CSMD1: variants seen among roughly 807,000 people sequenced by gnomAD.
The protein encoded by CSMD1 is CUB and sushi domain-containing protein 1.
A neutral mutation model predicts 417.5 loss-of-function variants in CSMD1; 213 were observed. That is an observed-to-expected ratio of 0.51 (90% CI 0.46 to 0.57). The LOEUF (loss-of-function observed/expected upper bound fraction) is 0.57, where lower values mean the gene tolerates loss of function less well. Among genes scored for constraint, CSMD1 ranks in the 20% least tolerant of loss-of-function variants. The pLI, the probability that CSMD1 is intolerant of heterozygous loss-of-function variation, is 0.00. For synonymous variants in CSMD1, 2,862 were observed against 1,736.8 expected (o/e 1.65, Z -16.11); for missense variants, 6,923 against 4,529.7 (o/e 1.53, Z -15.17).
chr8:3,301,306 G>A (rs923566926), intron 25 of CSMD1, among the ~76,000 whole-genome samples: 8 of 152,152 alleles, frequency 5.3e-5, no homozygotes, highest in Admixed American at 4.6e-4. Context: ...GAAGGAACCA[G>A]GTGGTGGGCA....
intron 1 of CSMD1, among the ~76,000 whole-genome samples, chr8:4,691,725 G>C (rs994129673): frequency 3.9e-5 from 6 of 152,160 alleles, no homozygotes; most frequent in South Asian, 2.1e-4. Flanking sequence ...TGAAGGTCCA[G>C]GTACACTACA....
intron 1 of CSMD1, among the ~76,000 whole-genome samples, chr8:4,873,471 A>C (rs1802856568): frequency 6.6e-6 from 1 of 152,062 alleles, no homozygotes; most frequent in East Asian, 1.9e-4. Flanking sequence ...AATTCCAGAA[A>C]TTTTACTTCT....
At chr8:3,399,572 A>C (rs752144022) in intron 15 of CSMD1, 43 bp from the exon 16 acceptor site, 1 of 1,484,174 alleles carries the variant, frequency 6.7e-7, no homozygotes, top group East Asian at 2.3e-5. Flanking sequence ...AATGAGACAG[A>C]AGGATATGCC....
At chr8:3,438,979 G>C (rs892193705) in intron 12 of CSMD1, among the ~76,000 whole-genome samples, 1 of 151,004 alleles carries the variant, frequency 6.6e-6, no homozygotes, top group Non-Finnish European at 1.5e-5. Flanking sequence ...GCCGGGCATG[G>C]TAGTGGGCAC....
chr8:4,174,923 G>C (rs997164970), intron 3 of CSMD1, among the ~76,000 whole-genome samples: 3 of 150,906 alleles, frequency 2.0e-5, no homozygotes, highest in Non-Finnish European at 4.4e-5. Flanking sequence ...CAGAACTGAT[G>C]TCAACTCCTT....
intron 1 of CSMD1, among the ~76,000 whole-genome samples, chr8:4,706,153 G>A (rs192513710): frequency 7.7e-4 from 115 of 149,972 alleles, no homozygotes; most frequent in African/African-American, 2.7e-3. Context: ...AAAATTTTAT[G>A]TATTTATATA....
At chr8:4,350,360 G>A (rs1174351566) in intron 3 of CSMD1, among the ~76,000 whole-genome samples, 1 of 152,108 alleles carries the variant, frequency 6.6e-6, no homozygotes, top group Admixed American at 6.6e-5. Context: ...CCAAGAAATG[G>A]AGAAAAATCA....
chr8:2,979,024 G>T (rs1374747114), intron 54 of CSMD1, among the ~76,000 whole-genome samples: 1 of 152,190 alleles, frequency 6.6e-6, no homozygotes, highest in Non-Finnish European at 1.5e-5. Context: ...ATTTTCACGT[G>T]AGGCTAATTT....
chr8:4,005,141 G>A (rs1389634378), intron 4 of CSMD1, among the ~76,000 whole-genome samples: 1 of 152,176 alleles, frequency 6.6e-6, no homozygotes, highest in Non-Finnish European at 1.5e-5. Context: ...TTGGGGGGAA[G>A]AGTGGGAGTG....
chr8:3,189,833 C>T, intron 34 of CSMD1, 79 bp downstream of exon 34: 1 of 1,321,964 alleles, frequency 7.6e-7, no homozygotes, highest in Non-Finnish European at 1.0e-6. Flanking sequence ...ATTTACGTAG[C>T]CTGGATAGAA....
chr8:4,956,151 T>C (rs1467855456), intron 1 of CSMD1, among the ~76,000 whole-genome samples: 2 of 152,144 alleles, frequency 1.3e-5, no homozygotes, highest in Non-Finnish European at 2.9e-5. Flanking sequence ...GACAGAGTTA[T>C]CATTTTTCTA....
chr8:3,039,865 A>G (rs1810974042), intron 50 of CSMD1, among the ~76,000 whole-genome samples: 1 of 152,218 alleles, frequency 6.6e-6, no homozygotes, highest in Non-Finnish European at 1.5e-5. Context: ...CAGCATTCAT[A>G]TTAGATTTGC....
At chr8:3,513,994 G>A (rs1797185557) in intron 10 of CSMD1, among the ~76,000 whole-genome samples, 1 of 152,144 alleles carries the variant, frequency 6.6e-6, no homozygotes, top group Non-Finnish European at 1.5e-5. Context: ...TTCCAATCCA[G>A]GCCTTCTTTT....
intron 5 of CSMD1, among the ~76,000 whole-genome samples, chr8:3,990,379 C>T (rs1273752744): frequency 2.0e-5 from 3 of 151,906 alleles, no homozygotes; most frequent in African/African-American, 7.3e-5. Flanking sequence ...TCAACTCTGC[C>T]CTAAGAATGG....
chr8:3,713,978 A>C lies in CSMD1; in HGVS notation c.932-5487T>G, dbSNP rs530509845. Reference sequence around the variant, plus strand: ...AATATTTACTACTATTGGTAGCAATAATATTGAAATCTTTGTAAATCCTTA... The same window carrying C: ...AATATTTACTACTATTGGTAGCAATCATATTGAAATCTTTGTAAATCCTTA... On this transcript the variant is annotated intron_variant, in intron 6 of 69. Transcript: ENST00000635120. Among the ~76,000 whole-genome samples the C allele has an allele frequency of 3.3e-5, 5 of 152,192 alleles. No individual in the cohort carries two copies. In the South Asian group the frequency reaches 1.0e-3, roughly 32 times the overall value.
chr8:4,669,099 T>A (rs1425080513), intron 1 of CSMD1, among the ~76,000 whole-genome samples: 1 of 152,210 alleles, frequency 6.6e-6, no homozygotes, highest in South Asian at 2.1e-4. Context: ...AAGCTTTACT[T>A]CAGCTTTAAA....
rs572400043 is a variant in CSMD1, at chr8:3,819,343, T to A, written c.819-65301A>T. Among the ~76,000 whole-genome samples, 4 of 152,258 alleles carry A rather than the reference T, an allele frequency of 2.6e-5. No homozygotes were observed. The South Asian group carries it at 8.3e-4, about 32-fold the overall frequency. Reference sequence around the variant, plus strand: ...GAGAGAGTGACAGGTAGGAGATTCATGTCATTTCATTTTATCATTATAGCT... The same window carrying A: ...GAGAGAGTGACAGGTAGGAGATTCAAGTCATTTCATTTTATCATTATAGCT... On this transcript the variant is annotated intron_variant, in intron 5 of 69. Transcript: ENST00000635120.
chr8:3,760,066 G>T (rs184116415), intron 5 of CSMD1, among the ~76,000 whole-genome samples: 2 of 152,110 alleles, frequency 1.3e-5, no homozygotes, highest in African/African-American at 4.8e-5. Context: ...CCAGGTCAGG[G>T]ATATTGGTGC....
chr8:4,094,405 G>A (rs571874756), intron 3 of CSMD1, among the ~76,000 whole-genome samples: 1 of 152,098 alleles, frequency 6.6e-6, no homozygotes, highest in South Asian at 2.1e-4. Flanking sequence ...AACTATGTTG[G>A]CAAGGCAGGG....
Sources: gnomAD v4.1 joint callset for allele counts (sites outside exome capture counted in the v4.1 genomes callset) on GRCh38, gnomAD v4.1.1 for gene constraint, MANE v1.5 for transcripts, NCBI Gene and HGNC (gene_info 2026-07-23, HGNC 2026-07-21) for gene names.